The following BLOC1S3 variants were observed in gnomAD, a reference collection of about 807,000 sequenced individuals.
BLOC1S3 encodes the protein biogenesis of lysosomal organelles complex 1 subunit 3.
Under a neutral mutation model 9.1 loss-of-function variants are expected in BLOC1S3, and 7 were observed. The ratio of observed to expected loss-of-function variants is 0.77; its 90% CI spans 0.44 to 1.45. The LOEUF is 1.45. Ranked by LOEUF, BLOC1S3 falls within the 40% of genes most tolerant of loss-of-function variation. BLOC1S3 has a pLI of 0.01. For missense variants in BLOC1S3, 307 were observed against 315.2 expected (o/e 0.97, Z 0.20); for synonymous variants, 145 against 158.4 (o/e 0.92, Z 0.64).
exon 4 of BLOC1S3, chr19:45,216,876 A>C (rs547179276): frequency 6.6e-6 from 1 of 152,080 alleles, no homozygotes; most frequent in African/African-American, 2.4e-5. Flanking sequence ...TGGAACTCCA[A>C]GAAGAGCGAC....
At chr19:45,192,481 G>A (rs1233244536) in intron 2 of BLOC1S3, among the ~76,000 whole-genome samples, 6 of 151,942 alleles carry the variant, frequency 3.9e-5, no homozygotes, top group Admixed American at 2.0e-4. Flanking sequence ...CCGCTTCCTT[G>A]AGCAGTAGGA....
At chr19:45,200,434 G>A (rs1407415155) in intron 2 of BLOC1S3, among the ~76,000 whole-genome samples, 3 of 151,546 alleles carry the variant, frequency 2.0e-5, no homozygotes, top group African/African-American at 7.3e-5. Context: ...CACCTGCCTC[G>A]GCCTCCCGAA....
At chr19:45,199,426 C>G (rs1969673217) in intron 2 of BLOC1S3, among the ~76,000 whole-genome samples, 1 of 149,254 alleles carries the variant, frequency 6.7e-6, no homozygotes, top group Admixed American at 6.8e-5. Context: ...AGCAATTCCC[C>G]TGCCTCAGCC....
At chr19:45,216,044 C>G (rs112530898) in intron 3 of BLOC1S3, 2 of 1,610,186 alleles carry the variant, frequency 1.2e-6, no homozygotes, top group African/African-American at 2.7e-5. Context: ...CCAGGCACGG[C>G]GAGCCCTGGC....
In BLOC1S3 at chr19:45,179,620, C is replaced by G. The variant is rs1432847647; in HGVS notation, c.324C>G (p.Leu108=). The G allele has an allele frequency of 8.1e-6, 12 of 1,475,180 alleles. No homozygotes were observed. The East Asian group carries it at 3.5e-4, about 43-fold the overall frequency. The allele number at this position is 1,475,180 out of a possible 1,614,324, so 91.4% of individuals were successfully genotyped here. The change falls in exon 2 of 2, where the codon CTC becomes CTG. Residue 108 remains leucine (L), a synonymous_variant. Transcript: ENST00000433642. The surrounding 1 kb of genome is among the most constrained non-coding windows in gnomAD (Gnocchi z 4.6). ...EAPAPAPARS[L]LQLRLAESQA... ...CGGCGCCCGCCCCCGCGCGCTCGCTCCTGCAACTTCGGCTGGCGGAGAGCC... is the reference window on the plus strand; with the variant it reads ...CGGCGCCCGCCCCCGCGCGCTCGCTGCTGCAACTTCGGCTGGCGGAGAGCC...
chr19:45,195,181 T>A (rs113275750), intron 2 of BLOC1S3, among the ~76,000 whole-genome samples: 89 of 152,046 alleles, frequency 5.9e-4, no homozygotes, highest in Non-Finnish European at 1.1e-3. Context: ...AGTGCTGGGA[T>A]TACAGGTGTG....
chr19:45,204,291 G>A (rs1461389637), intron 3 of BLOC1S3, among the ~76,000 whole-genome samples: 1 of 151,232 alleles, frequency 6.6e-6, no homozygotes, highest in Non-Finnish European at 1.5e-5. Context: ...CTGGGTTCAA[G>A]CGATTCTCCT....
intron 1 of BLOC1S3, 116 bp downstream of exon 1, chr19:45,178,947 T>G: frequency 4.4e-6 from 1 of 228,500 alleles, no homozygotes; most frequent in Non-Finnish European, 8.5e-6. Context: ...CACGGGCCCG[T>G]GTGCTTCCGG....
downstream of BLOC1S3, among the ~76,000 whole-genome samples, chr19:45,182,178 T>C (rs557253935): frequency 6.6e-6 from 1 of 151,106 alleles, no homozygotes; most frequent in African/African-American, 2.4e-5. Context: ...CCTGTAGTTA[T>C]TAAAAATACA....
downstream of BLOC1S3, among the ~76,000 whole-genome samples, chr19:45,181,980 AAC>A (rs1175479792): frequency 6.6e-6 from 1 of 152,144 alleles, no homozygotes; most frequent in African/African-American, 2.4e-5. Flanking sequence ...TTATTAATTC[AAC>A]ACACACGTTT....
At chr19:45,212,187 C>T (rs889572864) in intron 3 of BLOC1S3, among the ~76,000 whole-genome samples, 1 of 152,222 alleles carries the variant, frequency 6.6e-6, no homozygotes, top group Non-Finnish European at 1.5e-5. Context: ...GCCTCAGAGC[C>T]ACACAGCCAG....
intron 2 of BLOC1S3, among the ~76,000 whole-genome samples, chr19:45,190,631 A>G (rs950349179): frequency 3.3e-5 from 5 of 151,196 alleles, no homozygotes; most frequent in African/African-American, 1.2e-4. Flanking sequence ...CGAACTCTTG[A>G]GCTCAAGTGA....
At chr19:45,211,796 C>T (rs1304921373) in intron 3 of BLOC1S3, among the ~76,000 whole-genome samples, 2 of 126,856 alleles carry the variant, frequency 1.6e-5, no homozygotes, top group Non-Finnish European at 3.6e-5. Flanking sequence ...TCTGACTTCT[C>T]AGGGAAAAAA....
chr19:45,213,272 G>C (rs201048859), intron 3 of BLOC1S3: 2 of 1,613,770 alleles, frequency 1.2e-6, no homozygotes, highest in Non-Finnish European at 1.7e-6. Context: ...GAGAGTTCCA[G>C]GTCCCGGGCC....
At chr19:45,211,863 T>A (rs1314021748) in intron 3 of BLOC1S3, among the ~76,000 whole-genome samples, 1 of 150,890 alleles carries the variant, frequency 6.6e-6, no homozygotes, top group Non-Finnish European at 1.5e-5. Flanking sequence ...CATCACGGGC[T>A]GTCCAGCCCA....
chr19:45,189,597 T>C (rs906782881), intron 2 of BLOC1S3, among the ~76,000 whole-genome samples: 79 of 120,286 alleles, frequency 6.6e-4, no homozygotes, highest in African/African-American at 2.8e-3. Context: ...CAAGCCTGGC[T>C]TTTTTTTTTT....
At chr19:45,182,394 G>A (rs1599748199), downstream of BLOC1S3, among the ~76,000 whole-genome samples, 1 of 150,948 alleles carries the variant, frequency 6.6e-6, no homozygotes, top group South Asian at 2.1e-4. Flanking sequence ...TAGGCCAGGC[G>A]CAGTTACGCA....
downstream of BLOC1S3, among the ~76,000 whole-genome samples, chr19:45,185,613 G>A (rs1394062336): frequency 1.3e-5 from 2 of 152,036 alleles, no homozygotes; most frequent in African/African-American, 4.8e-5. Flanking sequence ...AAATCCTGGG[G>A]GTGCTTGTTT....
chr19:45,198,528 A>T (rs1453333188), intron 2 of BLOC1S3, among the ~76,000 whole-genome samples: 1 of 152,200 alleles, frequency 6.6e-6, no homozygotes. Context: ...TCCTGACCTC[A>T]GGTGATCCAC....
Sources: allele counts gnomAD v4.1 joint callset (sites outside exome capture counted in the v4.1 genomes callset), GRCh38; gene constraint gnomAD v4.1.1; non-coding constraint Gnocchi (gnomAD v3.1); transcripts MANE v1.5; gene names NCBI Gene and HGNC (gene_info 2026-07-23, HGNC 2026-07-21).